Variants in PKN2 observed in about 807,000 individuals in gnomAD.
The protein encoded by PKN2 is protein kinase N2.
A neutral mutation model predicts 119.1 loss-of-function variants in PKN2; 38 were observed. The observed-to-expected ratio is 0.32, with a 90% CI of 0.25 to 0.42. The LOEUF is 0.42. Ranked by LOEUF, PKN2 falls within the 10% of genes least tolerant of loss-of-function variation. The pLI, the probability that PKN2 is intolerant of heterozygous loss-of-function variation, is 1.00. For synonymous variants in PKN2, 390 were observed against 384.9 expected (o/e 1.01, Z -0.15); for missense variants, 850 against 1,165.1 (o/e 0.73, Z 3.94).
At chr1:88,711,824 G>T (rs1241530431) in intron 1 of PKN2, among the ~76,000 whole-genome samples, 1 of 151,974 alleles carries the variant, frequency 6.6e-6, no homozygotes, top group African/African-American at 2.4e-5. Context: ...CAGGAGGAAG[G>T]AACTGTATTT....
At chr1:88,708,454 A>G (rs183612111) in intron 1 of PKN2, among the ~76,000 whole-genome samples, 39 of 152,268 alleles carry the variant, frequency 2.6e-4, no homozygotes, top group Admixed American at 1.4e-3. Flanking sequence ...TTTGGAATAT[A>G]TGACTTGATG....
chr1:88,784,132 CTT>C lies in PKN2; in HGVS notation c.986-486_986-485del, dbSNP rs397862410. On this transcript the variant is annotated intron_variant, in intron 6 of 21. Transcript: ENST00000370521. Reference sequence around the variant, plus strand: ...AGACAACTTTTGGGAGATGCTGTTCCTTTTTTTTTTTTTTTTTTTTTTGGAGA... The same window carrying C: ...AGACAACTTTTGGGAGATGCTGTTCCTTTTTTTTTTTTTTTTTTTTGGAGA... Among the ~76,000 whole-genome samples the C allele has an allele frequency of 8.9e-3, 928 of 103,818 alleles. 8 individuals are homozygous for C. Among genetic ancestry groups the C allele is most frequent in the Admixed American group, 0.018 (167 of 9,448 alleles). 68.1% of individuals were successfully genotyped at this position (103,818 alleles called of 152,430 possible). A position where few individuals can be genotyped will look rare whatever the true frequency, so the allele number is the denominator to read the frequency against.
In PKN2 at chr1:88,713,687, C is replaced by T. The variant is rs192728430; in HGVS notation, c.49-27301C>T. ...TAGATTCTGGATATTAGCCCTTTGT[C>T]GGATGAATAGATTGCAAAAATTTTC... On this transcript the variant is annotated intron_variant, in intron 1 of 21. Transcript: ENST00000370521. 1.9e-3 allele frequency among the ~76,000 whole-genome samples: 291 copies of T among 152,216 alleles called. 2 individuals carry two copies. Among genetic ancestry groups the T allele is most frequent in the South Asian group, 6.0e-3 (29 of 4,812 alleles).
intron 16 of PKN2, among the ~76,000 whole-genome samples, chr1:88,816,044 G>T (rs538057394): frequency 6.6e-6 from 1 of 151,760 alleles, no homozygotes; most frequent in South Asian, 2.1e-4. Context: ...GGAAGCTGAG[G>T]CAGGAGAACC....
intron 2 of PKN2, among the ~76,000 whole-genome samples, chr1:88,748,198 AAGGAAT>A (rs1238225260): frequency 2.0e-5 from 3 of 152,190 alleles, no homozygotes; most frequent in Admixed American, 6.5e-5. Flanking sequence ...CATTCAGAAA[AAGGAAT>A]AGTTCCAATG....
intron 1 of PKN2, among the ~76,000 whole-genome samples, chr1:88,725,548 T>C (rs1006687519): frequency 7.9e-5 from 12 of 152,218 alleles, no homozygotes; most frequent in Admixed American, 7.9e-4. Context: ...TTATATATCC[T>C]CTTTGGTGAA....
At chr1:88,722,592 A>G (rs74935978) in intron 1 of PKN2, among the ~76,000 whole-genome samples, 2,906 of 152,112 alleles carry the variant, frequency 0.019, 90 homozygotes, top group African/African-American at 0.065. Context: ...TGGGCAACGT[A>G]GCACAGTGAG....
chr1:88,832,939 T>A, intron 20 of PKN2, 88 bp downstream of exon 20: 2 of 1,193,914 alleles, frequency 1.7e-6, no homozygotes, highest in Non-Finnish European at 1.2e-6. Flanking sequence ...CTTTAAAAGC[T>A]GTTTTTCAGT....
In PKN2 at chr1:88,813,660, G is replaced by C. The variant is rs1671868314; in HGVS notation, c.2206G>C (p.Val736Leu). The C allele has an allele frequency of 2.5e-6, 4 of 1,609,676 alleles. No individual in the cohort carries two copies. The highest frequency in any genetic ancestry group is 3.4e-5 in the Admixed American group (2 of 59,064). ...CCAAACCAAAGAGCATGTTTGCTTT[G>C]TAATGGAATATGCTGCCGGTGGGGA... ...CFQTKEHVCF[V>L]MEYAAGGDLM... Residue 736 changes from valine to leucine, a missense_variant, in exon 16 of 22, where the codon GTA becomes CTA. Coordinates refer to ENST00000370521, the MANE Select transcript of PKN2 (RefSeq NM_006256.4).
intron 8 of PKN2, among the ~76,000 whole-genome samples, chr1:88,791,661 C>T (rs1208070114): frequency 1.3e-5 from 2 of 152,134 alleles, no homozygotes; most frequent in Admixed American, 1.3e-4. Flanking sequence ...CAAACTACTT[C>T]CATTGAACAG....
intron 1 of PKN2, among the ~76,000 whole-genome samples, chr1:88,738,184 A>C (rs981987473): frequency 5.3e-5 from 8 of 151,918 alleles, no homozygotes; most frequent in African/African-American, 1.2e-4. Flanking sequence ...AACAAACAAA[A>C]AAAAACCAAA....
intron 1 of PKN2, among the ~76,000 whole-genome samples, chr1:88,717,301 T>A (rs1035053022): frequency 6.6e-6 from 1 of 152,168 alleles, no homozygotes. Context: ...AGGAGTATCT[T>A]TGTGGCATTC....
intron 3 of PKN2, among the ~76,000 whole-genome samples, chr1:88,766,690 A>T (rs1669681090): frequency 6.6e-6 from 1 of 152,200 alleles, no homozygotes; most frequent in Non-Finnish European, 1.5e-5. Flanking sequence ...GTATTAACAT[A>T]AAAGTCAGAT....
intron 2 of PKN2, among the ~76,000 whole-genome samples, chr1:88,743,721 C>A (rs918991028): frequency 2.0e-5 from 3 of 152,098 alleles, no homozygotes; most frequent in Non-Finnish European, 4.4e-5. Context: ...AATATTATAT[C>A]TCAAAATAGA....
At chr1:88,734,650 T>A (rs772350647) in intron 1 of PKN2, among the ~76,000 whole-genome samples, 4 of 152,246 alleles carry the variant, frequency 2.6e-5, no homozygotes, top group Non-Finnish European at 4.4e-5. Flanking sequence ...TTGTTCTTTT[T>A]GCTTTAGATT....
chr1:88,831,517 TTATG>T (rs1309950482), intron 19 of PKN2, among the ~76,000 whole-genome samples: 1 of 151,954 alleles, frequency 6.6e-6, no homozygotes, highest in Non-Finnish European at 1.5e-5. Context: ...TATATTTTAT[TTATG>T]TATTTTGAGT....
At chr1:88,805,053 A>C in intron 10 of PKN2, 132 bp downstream of exon 10, 1 of 557,082 alleles carries the variant, frequency 1.8e-6, no homozygotes, top group Non-Finnish European at 3.2e-6. Flanking sequence ...CTTCTTATTA[A>C]GGAATATTTT....
chr1:88,797,732 T>TA (rs1671148231), intron 8 of PKN2, among the ~76,000 whole-genome samples: 1 of 152,212 alleles, frequency 6.6e-6, no homozygotes, highest in Non-Finnish European at 1.5e-5. Flanking sequence ...CCTCACTTGT[T>TA]ATTAGGAAAT....
intron 3 of PKN2, among the ~76,000 whole-genome samples, chr1:88,767,856 T>G (rs928450051): frequency 2.6e-5 from 4 of 152,196 alleles, no homozygotes; most frequent in African/African-American, 9.7e-5. Flanking sequence ...TTATCTCCAA[T>G]CTCTTTCTTC....
Sources: gnomAD v4.1 joint callset for allele counts (sites outside exome capture counted in the v4.1 genomes callset) on GRCh38, gnomAD v4.1.1 for gene constraint, MANE v1.5 for transcripts, NCBI Gene and HGNC (gene_info 2026-07-23, HGNC 2026-07-21) for gene names.